TTC28: variants seen among roughly 807,000 people sequenced by gnomAD.
TTC28 encodes tetratricopeptide repeat domain 28.
In TTC28, 61 loss-of-function variants were observed where a neutral mutation model predicts 198.0. The observed-to-expected ratio is 0.31, with a 90% CI of 0.25 to 0.38. TTC28 has a LOEUF of 0.38. Ranked by LOEUF, TTC28 falls within the 10% of genes least tolerant of loss-of-function variation. The pLI, the probability that TTC28 is intolerant of heterozygous loss-of-function variation, is 1.00. For synonymous variants in TTC28, 1,171 were observed against 1,297.8 expected (o/e 0.90, Z 2.10); for missense variants, 2,678 against 3,164.0 (o/e 0.85, Z 3.69).
At chr22:28,202,657 C>T (rs1179221225) in intron 5 of TTC28, among the ~76,000 whole-genome samples, 1 of 151,974 alleles carries the variant, frequency 6.6e-6, no homozygotes, top group East Asian at 1.9e-4. Context: ...ATCAGAAAAC[C>T]ACAGAATTTT....
chr22:27,982,042 GC>G lies in TTC28; in HGVS notation c.*178del. On this transcript the variant is annotated 3_prime_UTR_variant, in exon 23 of 23. Transcript: ENST00000397906. The surrounding 1 kb of genome is among the most constrained non-coding windows in gnomAD (Gnocchi z 5.2). ...GAAGTCCTGGCTTTTGGTGAATGTG[GC>G]CCAGAAAAGCCACCAGTGTGTGTGG... The G allele has an allele frequency of 1.8e-6, 1 of 561,942 alleles. No individual in the cohort carries two copies. 34.8% of individuals were successfully genotyped at this position (561,942 alleles called of 1,614,324 possible).
chr22:28,014,121 G>T, intron 14 of TTC28, 127 bp downstream of exon 14: 1 of 1,184,922 alleles, frequency 8.4e-7, no homozygotes, highest in Non-Finnish European at 1.2e-6. Flanking sequence ...GAGCGGACTT[G>T]TGTTCTGGAA....
intron 2 of TTC28, among the ~76,000 whole-genome samples, chr22:28,423,429 A>G (rs2047294811): frequency 6.6e-6 from 1 of 152,114 alleles, no homozygotes; most frequent in Non-Finnish European, 1.5e-5. Flanking sequence ...AACAACAACA[A>G]CAAAAACAAA....
At chr22:28,569,947 A>G (rs2050035963) in intron 2 of TTC28, among the ~76,000 whole-genome samples, 1 of 152,234 alleles carries the variant, frequency 6.6e-6, no homozygotes, top group African/African-American at 2.4e-5. Context: ...CAAGCATATT[A>G]AAAAATGCTC....
intron 2 of TTC28, among the ~76,000 whole-genome samples, chr22:28,371,509 C>CAAAAAAAAAAAAAAAAAAAAAAAAA (rs1229801209): frequency 1.8e-3 from 11 of 6,104 alleles, no homozygotes; most frequent in Admixed American, 4.6e-3. Context: ...GACCCTGTCT[C>CAAAAAAAAAAAAAAAAAAAAAAAAA]AAAAAAAAAA....
At chr22:28,431,323 T>C (rs1569321180) in intron 2 of TTC28, among the ~76,000 whole-genome samples, 1 of 152,208 alleles carries the variant, frequency 6.6e-6, no homozygotes, top group Non-Finnish European at 1.5e-5. Context: ...AAGCATGTCA[T>C]TGAAACAGTC....
At chr22:28,239,491 A>C (rs1929504315) in intron 5 of TTC28, among the ~76,000 whole-genome samples, 1 of 152,214 alleles carries the variant, frequency 6.6e-6, no homozygotes, top group South Asian at 2.1e-4. Flanking sequence ...AGAAGCAAGC[A>C]ACTACAGACA....
At chr22:28,306,255 G>T (rs899040294) in intron 3 of TTC28, among the ~76,000 whole-genome samples, 3 of 152,126 alleles carry the variant, frequency 2.0e-5, no homozygotes, top group African/African-American at 7.2e-5. Flanking sequence ...GTTAGTTAAT[G>T]AAAAATTTAA....
intron 5 of TTC28, among the ~76,000 whole-genome samples, chr22:28,275,344 AC>A (rs2145719605): frequency 6.6e-6 from 1 of 152,160 alleles, no homozygotes; most frequent in East Asian, 1.9e-4. Flanking sequence ...CATTAAGACC[AC>A]TACATAGTTT....
chr22:28,386,392 T>A (rs2046595143), intron 2 of TTC28, among the ~76,000 whole-genome samples: 1 of 151,364 alleles, frequency 6.6e-6, no homozygotes, highest in South Asian at 2.1e-4. Flanking sequence ...TTCTTCCTGC[T>A]CTCTCATGAT....
At chr22:28,417,300 TAAAAAAAAAAAAAAAA>T (rs68164494) in intron 2 of TTC28, among the ~76,000 whole-genome samples, 1 of 44,650 alleles carries the variant, frequency 2.2e-5, no homozygotes, top group Admixed American at 2.9e-4. Context: ...CTGTCTCTAC[TAAAAAAAAAAAAAAAA>T]AAAAAAAAAA....
intron 14 of TTC28, 128 bp downstream of exon 14, chr22:28,014,120 T>C: frequency 1.7e-6 from 2 of 1,171,644 alleles, no homozygotes; most frequent in Non-Finnish European, 2.3e-6. Flanking sequence ...AGAGCGGACT[T>C]GTGTTCTGGA....
Position 28,619,996 on chromosome 22 carries a change from A to G in TTC28, c.381+9556T>C, listed in dbSNP as rs1305116795. ...AGCAGATCATCTGCATCAATTTACA[A>G]TGAAAAAAACCATCTTATTCCTGCT... On this transcript the variant is annotated intron_variant, in intron 2 of 22. Transcript: ENST00000397906. 2.0e-5 allele frequency among the ~76,000 whole-genome samples: 3 copies of G among 152,196 alleles called. No homozygotes were observed. In the East Asian group the frequency reaches 5.8e-4, roughly 29 times the overall value.
At chr22:28,580,924 T>C (rs2050224808) in intron 2 of TTC28, among the ~76,000 whole-genome samples, 3 of 152,136 alleles carry the variant, frequency 2.0e-5, no homozygotes, top group African/African-American at 7.2e-5. Flanking sequence ...TTAAATCAAA[T>C]ACTCTCATTC....
intron 2 of TTC28, among the ~76,000 whole-genome samples, chr22:28,599,504 G>A (rs572973821): frequency 6.6e-6 from 1 of 152,248 alleles, no homozygotes; most frequent in South Asian, 2.1e-4. Flanking sequence ...CAGTCTATGA[G>A]CAAGCTGGGC....
chr22:28,151,276 T>G (rs1272434672), intron 6 of TTC28, among the ~76,000 whole-genome samples: 1 of 152,226 alleles, frequency 6.6e-6, no homozygotes, highest in Non-Finnish European at 1.5e-5. Flanking sequence ...AATTAGCATC[T>G]ACAAATGAAC....
chr22:28,178,184 G>A (rs1923350109), intron 5 of TTC28, among the ~76,000 whole-genome samples: 2 of 152,060 alleles, frequency 1.3e-5, no homozygotes, highest in African/African-American at 4.8e-5. Flanking sequence ...GCCGGGCACG[G>A]TGGCACATGC....
intron 12 of TTC28, among the ~76,000 whole-genome samples, chr22:28,061,005 G>A (rs560047973): frequency 1.3e-5 from 2 of 152,294 alleles, no homozygotes; most frequent in South Asian, 2.1e-4. Context: ...TCTGTTGGCT[G>A]CATAAATGTC....
chr22:28,029,861 C>T (rs547044043), intron 13 of TTC28, among the ~76,000 whole-genome samples: 1 of 152,320 alleles, frequency 6.6e-6, no homozygotes, highest in South Asian at 2.1e-4. Context: ...GTACCTGGCC[C>T]AGGAGTTACC....
Sources: allele counts gnomAD v4.1 joint callset (sites outside exome capture counted in the v4.1 genomes callset), GRCh38; gene constraint gnomAD v4.1.1; non-coding constraint Gnocchi (gnomAD v3.1); transcripts MANE v1.5; gene names NCBI Gene and HGNC (gene_info 2026-07-23, HGNC 2026-07-21).